LOXL3: variants seen among roughly 807,000 people sequenced by gnomAD.
LOXL3 encodes the protein lysyl oxidase like 3, also known as lysyl oxidase homolog 3.
Under a neutral mutation model 91.8 loss-of-function variants are expected in LOXL3, and 60 were observed. The ratio of observed to expected loss-of-function variants is 0.65; its 90% confidence interval spans 0.53 to 0.81. LOXL3 has a LOEUF of 0.81. LOXL3 is among the 30% of genes least tolerant of loss of function. LOXL3 has a pLI of 0.00. For synonymous variants in LOXL3, 355 were observed against 387.6 expected (o/e 0.92, Z 0.99); for missense variants, 874 against 1,000.4 (o/e 0.87, Z 1.70).
upstream of LOXL3, chr2:74,555,266 G>A (rs1248738230): frequency 1.9e-6 from 3 of 1,613,904 alleles, no homozygotes; most frequent in African/African-American, 1.3e-5. The surrounding 1 kb of genome is among the most constrained non-coding windows in gnomAD (Gnocchi z 6.1). Context: ...GGGAGCTCGC[G>A]CCGCCTGGAC....
Position 74,535,368 on chromosome 2 carries a change from C to A in LOXL3, c.1503G>T (p.Gln501His). Residue 501 changes from glutamine to histidine, a missense_variant, in exon 9 of 14, where the codon CAG (glutamine) becomes CAT (histidine). By Grantham distance (24) the Gln-to-His change is conservative (BLOSUM62 0). Coordinates refer to ENST00000264094, the MANE Select transcript of LOXL3 (RefSeq NM_032603.5). The surrounding 1 kb of genome is among the most constrained non-coding windows in gnomAD (Gnocchi z 4.2). Reference sequence around the variant, plus strand: ...TGATGTGGGTGCCATGATGGGCACACTGATCCAGGGACAGCTCAGTCCCTG... The same window carrying A: ...TGATGTGGGTGCCATGATGGGCACAATGATCCAGGGACAGCTCAGTCCCTG... ...RCTGTELSLD[Q>H]CAHHGTHITC... 1 of 1,614,112 alleles carries A rather than the reference C, an allele frequency of 6.2e-7. No individual in the cohort carries two copies. Among genetic ancestry groups the A allele is most frequent in the Non-Finnish European group, 8.5e-7 (1 of 1,180,020 alleles).
Position 74,536,495 on chromosome 2 carries a change from C to G in LOXL3, c.913-24G>C, listed in dbSNP as rs1477008316. On this transcript the variant is annotated intron_variant, in intron 5 of 13. Coordinates refer to ENST00000264094, the MANE Select transcript of LOXL3 (RefSeq NM_032603.5). The surrounding 1 kb of genome is among the most constrained non-coding windows in gnomAD (Gnocchi z 4.5). ...GCCTATAGAAGAGAGAAGTGCCCAA[C>G]AGAGGCAAATGGCAACATCTGCACG... 12 of 1,602,252 alleles carry G rather than the reference C, an allele frequency of 7.5e-6. No individual in the cohort carries two copies. The highest frequency in any genetic ancestry group is 1.0e-5 in the Non-Finnish European group (12 of 1,173,610).
At position 74,549,374 on chromosome 2, in the gene LOXL3, G is replaced by C; in HGVS notation, c.687C>G (p.Phe229Leu). The C allele has an allele frequency of 6.2e-7, 1 of 1,602,436 alleles. No homozygotes were observed. Among genetic ancestry groups the C allele is most frequent in the African/African-American group, 1.3e-5 (1 of 74,680 alleles). The change falls in exon 4 of 14, where the codon TTC becomes TTG. Residue 229 changes from phenylalanine to leucine, a missense_variant. Physicochemically the swap from Phe to Leu is conservative, Grantham distance 22. Coordinates refer to ENST00000264094, the MANE Select transcript of LOXL3 (RefSeq NM_032603.5). The surrounding 1 kb of genome is among the most constrained non-coding windows in gnomAD (Gnocchi z 5.3). ...FPSEKRVNAA[F>L]YRLLAQRQQH... ...CGGCGCCCGCGGCCCCTCACCTGTA[G>C]AAGGCCGCGTTGACCCTCTTTTCGC...
In LOXL3 at chr2:74,552,422, A is replaced by G; in HGVS notation, c.213T>C (p.Asp71=). ...QRAGEWGTIC[D]DDFTLQAAHI... Reference sequence around the variant, plus strand: ...GGGCAGCCTGCAGCGTGAAGTCATCATCGCAGATGGTGCCCCATTCACCAG... The same window carrying G: ...GGGCAGCCTGCAGCGTGAAGTCATCGTCGCAGATGGTGCCCCATTCACCAG... Residue 71 remains aspartate, a synonymous_variant, in exon 2 of 14, where the codon GAT becomes GAC. Transcript: ENST00000264094. 2 of 1,613,872 alleles carry G rather than the reference A, an allele frequency of 1.2e-6. No homozygotes were observed. Among genetic ancestry groups the G allele is most frequent in the African/African-American group, 1.3e-5 (1 of 75,064 alleles).
chr2:74,533,390 T>A lies in LOXL3; in HGVS notation c.*216A>T. 1.7e-6 allele frequency: 1 copy of A among 571,982 alleles called. No homozygotes were observed. The highest frequency in any genetic ancestry group is 3.1e-6 in the Non-Finnish European group (1 of 319,096). The allele number at this position is 571,982 out of a possible 1,614,324, so 35.4% of individuals were successfully genotyped here. A position where few individuals can be genotyped will look rare whatever the true frequency, so the allele number is the denominator to read the frequency against. On this transcript the variant is annotated 3_prime_UTR_variant, in exon 14 of 14. Coordinates refer to ENST00000264094, the MANE Select transcript of LOXL3 (RefSeq NM_032603.5). ...GGCTCTGGTCTGTTCTGCTCGGTGC[T>A]GGGCCTGGGAGCAAAGATTCCCATG...
At chr2:74,543,267 T>G in intron 4 of LOXL3, among the ~76,000 whole-genome samples, 1 of 152,212 alleles carries the variant, frequency 6.6e-6, no homozygotes, top group East Asian at 1.9e-4. Flanking sequence ...TTTGTGGAGC[T>G]CTTTCTTAGG....
At chr2:74,553,359 G>A (rs572924450) in intron 1 of LOXL3, among the ~76,000 whole-genome samples, 4 of 152,316 alleles carry the variant, frequency 2.6e-5, no homozygotes, top group East Asian at 3.9e-4. Flanking sequence ...CAACACGCAG[G>A]CTCTCAGATG....
intron 4 of LOXL3, among the ~76,000 whole-genome samples, chr2:74,545,159 C>G (rs1676528125): frequency 6.6e-6 from 1 of 152,236 alleles, no homozygotes; most frequent in African/African-American, 2.4e-5. Flanking sequence ...CCATCCTTCT[C>G]TCAGGCAGCA....
At chr2:74,554,794 A>G (rs773465066), upstream of LOXL3, 1 of 1,613,976 alleles carries the variant, frequency 6.2e-7, no homozygotes, top group South Asian at 1.1e-5. The surrounding 1 kb of genome is among the most constrained non-coding windows in gnomAD (Gnocchi z 4.9). Context: ...TTTTTTGCAG[A>G]GTCAGCGCTT....
intron 2 of LOXL3, among the ~76,000 whole-genome samples, chr2:74,551,588 G>C (rs1677016618): frequency 6.6e-6 from 1 of 152,202 alleles, no homozygotes; most frequent in Non-Finnish European, 1.5e-5. Context: ...TTGAAACTTG[G>C]CTTCTGAATC....
chr2:74,552,306 C>T lies in LOXL3; in HGVS notation c.313+16G>A, dbSNP rs747577033. On this transcript the variant is annotated intron_variant, in intron 2 of 13. Transcript: ENST00000264094. ...CACATAGGAAATATCTAGGATATGC[C>T]TGGATCATTGCTCACCTGTTCCAGG... The T allele has an allele frequency of 1.9e-6, 3 of 1,587,888 alleles. No homozygotes were observed. Among genetic ancestry groups the T allele is most frequent in the Non-Finnish European group, 2.6e-6 (3 of 1,159,320 alleles).
At chr2:74,542,711 C>T (rs1459090448) in intron 4 of LOXL3, among the ~76,000 whole-genome samples, 1 of 151,784 alleles carries the variant, frequency 6.6e-6, no homozygotes, top group Admixed American at 6.6e-5. Flanking sequence ...CTGCAACCTC[C>T]GCCTCCTGGG....
Position 74,534,601 on chromosome 2 carries a change from G to A in LOXL3, c.1753C>T (p.His585Tyr). The A allele has an allele frequency of 6.2e-7, 1 of 1,614,240 alleles. No homozygotes were observed. Among genetic ancestry groups the A allele is most frequent in the Non-Finnish European group, 8.5e-7 (1 of 1,180,044 alleles). Residue 585 changes from histidine (H) to tyrosine (Y), a missense_variant, in exon 10 of 14, where the codon CAC (histidine) becomes TAC (tyrosine). By Grantham distance (83) the His-to-Tyr change is moderately conservative. Transcript: ENST00000264094. ...RRLLRFSSQI[H>Y]NLGRADFRPK... The stretch of plus-strand genomic sequence containing the variant: ...CTGAAGTCAGCTCGTCCCAGGTTGT[G>A]GATCTGGGAGGAGAATCGGAGCAGA...
At position 74,536,877 on chromosome 2, in the gene LOXL3, G is replaced by A. The variant is rs747688332; in HGVS notation, c.744C>T (p.Cys248=). ...QHSFGLHGVA[C]VGTEAHLSLC... Reference sequence around the variant, plus strand: ...GGGAGAGGTGGGCCTCCGTGCCCACGCACGCCACCCCATGCAGACCAAAGG... The same window carrying A: ...GGGAGAGGTGGGCCTCCGTGCCCACACACGCCACCCCATGCAGACCAAAGG... The change falls in exon 5 of 14, where the codon TGC becomes TGT. Residue 248 remains cysteine, a synonymous_variant. Transcript: ENST00000264094. This position sits in a 1 kb window ranked among gnomAD's most constrained non-coding sequence, Gnocchi z 4.5. 1.1e-5 allele frequency: 17 copies of A among 1,614,052 alleles called. No homozygotes were observed. The highest frequency in any genetic ancestry group is 1.6e-4 in the Middle Eastern group (1 of 6,084).
rs1675719062 is a variant in LOXL3, at chr2:74,532,844, G to C, written c.*762C>G. 6.2e-7 allele frequency: 1 copy of C among 1,614,140 alleles called. No homozygotes were observed. Among genetic ancestry groups the C allele is most frequent in the East Asian group, 2.2e-5 (1 of 44,884 alleles). On this transcript the variant is annotated 3_prime_UTR_variant, in exon 14 of 14. Transcript: ENST00000264094. ...GGGCTGGTCTGCGGCCTGGTGATGT[G>C]ATTTTGGCCATTGGGGAGCAGATGG...
Position 74,534,327 on chromosome 2 carries a change from T to A in LOXL3, c.1928A>T (p.Glu643Val), listed in dbSNP as rs747995192. 45 of 1,614,114 alleles carry A rather than the reference T, an allele frequency of 2.8e-5. No individual in the cohort carries two copies. In the East Asian group the frequency reaches 1.0e-3, roughly 36 times the overall value. Reference protein sequence around the residue: ...HKASFCLEDTECQEDVSKRYE... With the variant: ...HKASFCLEDTVCQEDVSKRYE... ...AGTCCCCAACTCACCCTCCTGACACTCAGTGTCTTCGAGACAGAAACTAGC... is the reference window on the plus strand; with the variant it reads ...AGTCCCCAACTCACCCTCCTGACACACAGTGTCTTCGAGACAGAAACTAGC... The change falls in exon 11 of 14, where the codon GAG (glutamate) becomes GTG (valine). Residue 643 changes from glutamate (E) to valine (V), a missense_variant. By Grantham distance (121) the Glu-to-Val change is moderately radical (BLOSUM62 -2). Coordinates refer to ENST00000264094, the MANE Select transcript of LOXL3 (RefSeq NM_032603.5).
chr2:74,534,065 C>G (rs753154543), intron 12 of LOXL3, 35 bp downstream of exon 12: 8 of 1,613,024 alleles, frequency 5.0e-6, no homozygotes, highest in Non-Finnish European at 5.1e-6. Context: ...ACGCTCCCCC[C>G]ACTCACCCAT....
In LOXL3 at chr2:74,535,714, G is replaced by A. The variant is rs1675976434; in HGVS notation, c.1290C>T (p.Val430=). 3.1e-6 allele frequency: 5 copies of A among 1,598,550 alleles called. No homozygotes were observed. The highest frequency in any genetic ancestry group is 2.7e-5 in the African/African-American group (2 of 73,698). The change falls in exon 8 of 14, where the codon GTC becomes GTT. Residue 430 remains valine (V), a synonymous_variant. Transcript: ENST00000264094. The surrounding 1 kb of genome is among the most constrained non-coding windows in gnomAD (Gnocchi z 4.2). ...GCCCAGGTCCCCCTATTTGCACCTC[G>A]ACTCGCCCCTCATGTTGGCTGCGGC... The part of the protein sequence containing the change: ...SGGRSQHEGR[V]EVQIGGPGPL...
chr2:74,542,751 G>C (rs917202194), intron 4 of LOXL3, among the ~76,000 whole-genome samples: 1 of 151,608 alleles, frequency 6.6e-6, no homozygotes, highest in Admixed American at 6.6e-5. Context: ...CAGCCTCCCA[G>C]GTAGCTGGGA....
Sources: gnomAD v4.1 joint callset for allele counts (sites outside exome capture counted in the v4.1 genomes callset) on GRCh38, gnomAD v4.1.1 for gene constraint, Gnocchi (gnomAD v3.1) non-coding constraint, MANE v1.5 for transcripts, NCBI Gene and HGNC (gene_info 2026-07-23, HGNC 2026-07-21) for gene names.